Variants in SPATA6L observed in about 807,000 individuals in gnomAD.
SPATA6L encodes spermatogenesis associated 6-like protein.
In SPATA6L, 68 loss-of-function variants were observed where a neutral mutation model predicts 49.2. The observed-to-expected ratio is 1.38, with a 90% confidence interval of 1.14 to 1.69. The LOEUF is 1.69. SPATA6L is among the 40% of genes most tolerant of loss of function. The pLI is 0.00. For synonymous variants in SPATA6L, 198 were observed against 165.7 expected (o/e 1.19, Z -1.50); for missense variants, 668 against 464.3 (o/e 1.44, Z -4.03).
chr9:4,629,769 G>GTATATATATATATATATA lies in SPATA6L; in HGVS notation c.352-619_352-602dup, dbSNP rs35908661. ...GTGTTTTATATATGTGTGTGTGTGT[G>GTATATATATATATATATA]TATATATATATATATATATATATAT... On this transcript the variant is annotated intron_variant, in intron 4 of 11. Transcript: ENST00000682582. Among the ~76,000 whole-genome samples, 420 of 101,834 alleles carry GTATATATATATATATATA rather than the reference G, an allele frequency of 4.1e-3. 2 individuals carry two copies. Among genetic ancestry groups the GTATATATATATATATATA allele is most frequent in the African/African-American group, 7.3e-3 (146 of 20,110 alleles). 66.8% of individuals were successfully genotyped at this position (101,834 alleles called of 152,430 possible). A position where few individuals can be genotyped will look rare whatever the true frequency, so the allele number is the denominator to read the frequency against.
intron 3 of SPATA6L, among the ~76,000 whole-genome samples, chr9:4,649,953 A>G (rs1333046550): frequency 6.6e-6 from 1 of 152,206 alleles, no homozygotes; most frequent in Non-Finnish European, 1.5e-5. Context: ...TCTCAGAGAG[A>G]TGTTTCACCT....
At chr9:4,626,361 T>A in intron 5 of SPATA6L, 3 of 1,267,982 alleles carry the variant, frequency 2.4e-6, no homozygotes, top group South Asian at 2.7e-5. Context: ...TCCAAGCTCC[T>A]GTGGCACCAG....
intron 11 of SPATA6L, among the ~76,000 whole-genome samples, chr9:4,602,544 C>A (rs1174539707): frequency 6.6e-6 from 1 of 152,186 alleles, no homozygotes; most frequent in Non-Finnish European, 1.5e-5. Flanking sequence ...ACAGTGAAAA[C>A]TTAGCAGGTC....
chr9:4,661,549 C>G (rs929172961), intron 2 of SPATA6L, among the ~76,000 whole-genome samples: 2 of 151,290 alleles, frequency 1.3e-5, no homozygotes, highest in African/African-American at 4.9e-5. Context: ...ACAGTTTTTT[C>G]TAAGGTCCAC....
At chr9:4,628,590 G>A (rs1194225806) in intron 5 of SPATA6L, 2 of 155,146 alleles carry the variant, frequency 1.3e-5, no homozygotes, top group Non-Finnish European at 2.8e-5. Flanking sequence ...GGGACTACAG[G>A]CGCACGCCAC....
downstream of SPATA6L, among the ~76,000 whole-genome samples, chr9:4,597,155 T>A (rs1308889671): frequency 6.6e-6 from 1 of 152,076 alleles, no homozygotes; most frequent in Non-Finnish European, 1.5e-5. Context: ...GAACTAGGAT[T>A]TAAATCCAGG....
At chr9:4,661,009 C>T (rs1477924468) in intron 2 of SPATA6L, among the ~76,000 whole-genome samples, 1 of 152,020 alleles carries the variant, frequency 6.6e-6, no homozygotes, top group East Asian at 1.9e-4. Context: ...GGGTGGGGAA[C>T]ATCACACACA....
chr9:4,657,814 T>C (rs1473826835), intron 2 of SPATA6L, among the ~76,000 whole-genome samples: 3 of 152,214 alleles, frequency 2.0e-5, no homozygotes, highest in African/African-American at 4.8e-5. Flanking sequence ...AGTTTCTTAT[T>C]GGTAAAATCT....
chr9:4,619,305 C>T (rs967007179), intron 7 of SPATA6L, among the ~76,000 whole-genome samples: 2 of 151,658 alleles, frequency 1.3e-5, no homozygotes, highest in East Asian at 1.9e-4. Context: ...TACAGATGCC[C>T]GCCACCATGC....
intron 13 of SPATA6L, among the ~76,000 whole-genome samples, chr9:4,592,766 C>G (rs755641225): frequency 9.9e-5 from 15 of 152,188 alleles, no homozygotes; most frequent in Non-Finnish European, 1.9e-4. Context: ...ACGTTGTGTT[C>G]TTATCATATC....
intron 4 of SPATA6L, among the ~76,000 whole-genome samples, chr9:4,634,956 G>A (rs1030752857): frequency 3.3e-5 from 5 of 152,100 alleles, no homozygotes; most frequent in East Asian, 1.9e-4. Flanking sequence ...AACTACTGTC[G>A]CTACTCTATT....
intron 3 of SPATA6L, among the ~76,000 whole-genome samples, chr9:4,653,591 T>C (rs1369569393): frequency 6.6e-6 from 1 of 152,152 alleles, no homozygotes; most frequent in Admixed American, 6.6e-5. Flanking sequence ...AGAAAATATT[T>C]GCAAATCATC....
At chr9:4,663,186 C>A in intron 1 of SPATA6L, 8 of 1,614,138 alleles carry the variant, frequency 5.0e-6, no homozygotes, top group Non-Finnish European at 6.8e-6. Flanking sequence ...GGGCTACATG[C>A]AGTACAGCAT....
chr9:4,614,936 T>C (rs1225860935), intron 9 of SPATA6L, among the ~76,000 whole-genome samples: 1 of 152,210 alleles, frequency 6.6e-6, no homozygotes, highest in Non-Finnish European at 1.5e-5. Flanking sequence ...CTGTGACTAA[T>C]GTCACAGAGC....
intron 11 of SPATA6L, among the ~76,000 whole-genome samples, chr9:4,602,715 G>C (rs769048998): frequency 4.6e-5 from 7 of 152,092 alleles, no homozygotes; most frequent in Non-Finnish European, 7.3e-5. Flanking sequence ...TCACACATGG[G>C]GAGACATGGA....
chr9:4,631,934 C>T (rs2130530567), intron 4 of SPATA6L, among the ~76,000 whole-genome samples: 1 of 152,150 alleles, frequency 6.6e-6, no homozygotes, highest in South Asian at 2.1e-4. Context: ...GAAAGAATAG[C>T]TGTCACCTCA....
intron 5 of SPATA6L, chr9:4,628,313 C>T (rs1158158325): frequency 6.1e-6 from 1 of 164,410 alleles, no homozygotes; most frequent in Admixed American, 5.8e-5. Flanking sequence ...ACACCATTTA[C>T]CTTGATGTGA....
chr9:4,595,395 CAG>C (rs369608146), downstream of SPATA6L, among the ~76,000 whole-genome samples: 66 of 152,272 alleles, frequency 4.3e-4, no homozygotes, highest in African/African-American at 1.5e-3. Context: ...AAGGCTTTGT[CAG>C]AGTCTCCCCA....
At chr9:4,619,215 T>G (rs1367557565) in intron 7 of SPATA6L, among the ~76,000 whole-genome samples, 2 of 143,588 alleles carry the variant, frequency 1.4e-5, no homozygotes, top group Non-Finnish European at 3.0e-5. Context: ...TGGAGTGCAA[T>G]GGCACAATCT....
Sources: gnomAD v4.1 joint callset for allele counts (sites outside exome capture counted in the v4.1 genomes callset) on GRCh38, gnomAD v4.1.1 for gene constraint, MANE v1.5 for transcripts, NCBI Gene and HGNC (gene_info 2026-07-23, HGNC 2026-07-21) for gene names.